The following IL12RB1 variants were observed in gnomAD, a reference collection of about 807,000 sequenced individuals.
The protein encoded by IL12RB1 is interleukin-12 receptor subunit beta-1.
In IL12RB1, 64 loss-of-function variants were observed where a neutral mutation model predicts 94.4. That is an observed-to-expected ratio of 0.68 (90% CI 0.55 to 0.83). The LOEUF is 0.83. IL12RB1 is among the 40% of genes least tolerant of loss of function. IL12RB1 has a pLI of 0.00. For missense variants in IL12RB1, 814 were observed against 855.6 expected, an observed-to-expected ratio of 0.95 and a Z score of 0.61; for synonymous variants, 362 against 355.5, an observed-to-expected ratio of 1.02 and a Z score of -0.21.
intron 14 of IL12RB1, 36 bp from the exon 15 acceptor site, chr19:18,061,233 G>GTT (rs67773732): frequency 0.072 from 57,911 of 804,998 alleles, 18 homozygotes; most frequent in Non-Finnish European, 0.083. Flanking sequence ...AGGAGCTGAG[G>GTT]TTTTTTTTTT....
At chr19:18,076,456 G>C (rs1436349240) in intron 5 of IL12RB1, 129 bp from the exon 6 acceptor site, 1 of 694,034 alleles carries the variant, frequency 1.4e-6, no homozygotes, top group East Asian at 2.7e-5. Context: ...AGGCTGGAGT[G>C]CAGTGGTGCA....
chr19:18,070,432 C>T, intron 9 of IL12RB1: 5 of 660,088 alleles, frequency 7.6e-6, no homozygotes, highest in Non-Finnish European at 7.5e-6. Flanking sequence ...CTGACCGGCG[C>T]CACTGGTGGT....
intron 12 of IL12RB1, 65 bp from the exon 13 acceptor site, chr19:18,064,075 A>ACCCCAC: frequency 2.5e-6 from 3 of 1,194,324 alleles, no homozygotes; most frequent in Non-Finnish European, 3.7e-6. Context: ...AGGCTGGGCT[A>ACCCCAC]CCACAGCCTG....
In IL12RB1 at chr19:18,066,304, T is replaced by C. The variant is rs140399595; in HGVS notation, c.1483+238A>G. ...GTATTTTTAGGAGAGACGGGGTTTC[T>C]CCAAGTTTGTCAGGCTGGTCTTGAA... is the stretch of plus-strand genomic sequence containing the variant. On this transcript the variant is annotated intron_variant, in intron 12 of 16. Transcript: ENST00000593993. 7.3e-3 allele frequency among the ~76,000 whole-genome samples: 1,113 copies of C among 152,102 alleles called. 14 individuals carry two copies. Among genetic ancestry groups the C allele is most frequent in the African/African-American group, 0.024 (1,008 of 41,518 alleles).
At chr19:18,084,441 C>A (rs1351243421) in intron 1 of IL12RB1, among the ~76,000 whole-genome samples, 1 of 140,550 alleles carries the variant, frequency 7.1e-6, no homozygotes, top group Admixed American at 7.1e-5. Flanking sequence ...CCACCATCCA[C>A]CCATTCACCC....
rs1366353144 is a variant in IL12RB1, at chr19:18,075,865, G to T, written c.584C>A (p.Ser195Tyr). The T allele has an allele frequency of 6.2e-7, 1 of 1,613,388 alleles. No homozygotes were observed. Among genetic ancestry groups the T allele is most frequent in the East Asian group, 2.2e-5 (1 of 44,878 alleles). The change falls in exon 7 of 17, where the codon TCC (serine) becomes TAC (tyrosine). Residue 195 changes from serine (S) to tyrosine (Y), a missense_variant. Physicochemically the swap from Ser to Tyr is moderately radical, Grantham distance 144. Transcript: ENST00000593993. Reference protein sequence around the residue: ...DCGPQDDDTESCLCPLEMNVA... With the variant: ...DCGPQDDDTEYCLCPLEMNVA... ...ATTCATCTCCAGGGGGCAGAGGCAG[G>T]ACTCTGGGGAGAGGCAGGTCGAACA...
intron 1 of IL12RB1, among the ~76,000 whole-genome samples, chr19:18,096,195 T>C (rs2036914569): frequency 6.6e-6 from 1 of 151,916 alleles, no homozygotes; most frequent in Admixed American, 6.6e-5. Context: ...TGAGACAAGA[T>C]TGCACCACTG....
chr19:18,075,541 A>T (rs1172336242), intron 7 of IL12RB1, among the ~76,000 whole-genome samples: 2 of 151,906 alleles, frequency 1.3e-5, no homozygotes, highest in Admixed American at 1.3e-4. Context: ...GATTACAGGC[A>T]TCAGCCACCA....
At position 18,081,011 on chromosome 19, in the gene IL12RB1, G is replaced by C. The variant is rs1352407081; in HGVS notation, c.240-10C>G. 21 of 1,609,276 alleles carry C rather than the reference G, an allele frequency of 1.3e-5. No individual in the cohort carries two copies. Among genetic ancestry groups the C allele is most frequent in the African/African-American group, 2.7e-5 (2 of 75,002 alleles). On this transcript the variant is annotated splice_polypyrimidine_tract_variant and intron_variant, in intron 3 of 16. Transcript: ENST00000593993. ...GCGCCCGGAGCTAAGGCTGCAGCAG[G>C]AAGGAGGGTGTCAGTGCCGAGTCTG... is the stretch of plus-strand genomic sequence containing the variant.
chr19:18,093,342 A>ATATATATT (rs770713233), intron 1 of IL12RB1, among the ~76,000 whole-genome samples: 25,744 of 149,596 alleles, frequency 0.17, 2,345 homozygotes, highest in Non-Finnish European at 0.19. Flanking sequence ...ATATATATAT[A>ATATATATT]TATATACTTG....
intron 3 of IL12RB1, among the ~76,000 whole-genome samples, chr19:18,081,853 TGG>T (rs2035927649): frequency 1.1e-5 from 1 of 92,922 alleles, no homozygotes; most frequent in African/African-American, 2.8e-5. Flanking sequence ...AAAAAATGGA[TGG>T]ATGGATGGAT....
upstream of IL12RB1, among the ~76,000 whole-genome samples, chr19:18,090,322 GCCA>G (rs2036575507): frequency 6.6e-6 from 1 of 152,146 alleles, no homozygotes; most frequent in African/African-American, 2.4e-5. Flanking sequence ...TCCAGCCTGG[GCCA>G]CAGAGCAAGA....
At chr19:18,075,643 C>G in intron 7 of IL12RB1, 106 bp downstream of exon 7, 1 of 1,003,936 alleles carries the variant, frequency 1.0e-6, no homozygotes, top group Non-Finnish European at 1.6e-6. Flanking sequence ...GTGATCCTCC[C>G]GCCTCAGCCT....
In IL12RB1 at chr19:18,075,252, C is replaced by CTT. The variant is rs71164363; in HGVS notation, c.700+495_700+496dup. On this transcript the variant is annotated intron_variant, in intron 7 of 16. Coordinates refer to ENST00000593993, the MANE Select transcript of IL12RB1 (RefSeq NM_005535.3). ...CTTTTTCCATTTTATTTTATTATTA[C>CTT]TTTTTTTTTTTTTTTTACTTTTTTT... Among the ~76,000 whole-genome samples the CTT allele has an allele frequency of 6.6e-3, 875 of 132,944 alleles. 5 individuals are homozygous for CTT. Among genetic ancestry groups the CTT allele is most frequent in the African/African-American group, 0.016 (578 of 36,744 alleles). The allele number at this position is 132,944 out of a possible 152,430, so 87.2% of individuals were successfully genotyped here. A position where few individuals can be genotyped will look rare whatever the true frequency, so the allele number is the denominator to read the frequency against.
chr19:18,079,853 C>T (rs546338479), intron 4 of IL12RB1, among the ~76,000 whole-genome samples: 4 of 151,776 alleles, frequency 2.6e-5, no homozygotes, highest in African/African-American at 4.8e-5. Flanking sequence ...GCCGAGATCG[C>T]GCCACTGCAC....
intron 12 of IL12RB1, 92 bp from the exon 13 acceptor site, chr19:18,064,102 T>G: frequency 1.3e-6 from 1 of 769,492 alleles, no homozygotes; most frequent in Non-Finnish European, 2.2e-6. Context: ...GGGTGGGGAT[T>G]CATAGGCATT....
At chr19:18,095,909 C>T (rs560221553) in intron 1 of IL12RB1, among the ~76,000 whole-genome samples, 3 of 152,148 alleles carry the variant, frequency 2.0e-5, no homozygotes, top group Admixed American at 6.6e-5. Context: ...AGAGAAAGTG[C>T]GAGTCCCAGG....
In IL12RB1 at chr19:18,063,988, C is replaced by G; in HGVS notation, c.1506G>C (p.Glu502Asp). The G allele has an allele frequency of 6.2e-7, 1 of 1,612,844 alleles. No homozygotes were observed. The highest frequency in any genetic ancestry group is 8.5e-7 in the Non-Finnish European group (1 of 1,179,022). Residue 502 changes from glutamate (E) to aspartate (D), a missense_variant, in exon 13 of 17, where the codon GAG becomes GAC. Physicochemically the swap from Glu to Asp is conservative, Grantham distance 45. Transcript: ENST00000593993. Reference protein sequence around the residue: ...QVSEHPVQPTETQVTLSGLRA... With the variant: ...QVSEHPVQPTDTQVTLSGLRA... ...GCAGGCCACTGAGGGTAACTTGGGT[C>G]TCTGTGGGCTGCACGGGATGCTCTG...
At chr19:18,093,101 T>C (rs1313288208) in intron 1 of IL12RB1, among the ~76,000 whole-genome samples, 2 of 151,554 alleles carry the variant, frequency 1.3e-5, no homozygotes, top group Non-Finnish European at 2.9e-5. Context: ...GGTCAGGAGT[T>C]TGAGACCAGC....
Sources: gnomAD v4.1 joint callset for allele counts (sites outside exome capture counted in the v4.1 genomes callset) on GRCh38, gnomAD v4.1.1 for gene constraint, MANE v1.5 for transcripts, NCBI Gene and HGNC (gene_info 2026-07-23, HGNC 2026-07-21) for gene names.